PDE11A: variants seen among roughly 807,000 people sequenced by gnomAD.
PDE11A encodes the protein phosphodiesterase 11A.
In PDE11A, 100 loss-of-function variants were observed where a neutral mutation model predicts 100.5. That is an observed-to-expected ratio of 1.00 (90% CI 0.85 to 1.18). PDE11A has a LOEUF of 1.18. PDE11A is among the 50% of genes most tolerant of loss of function. The pLI is 0.00. For missense variants in PDE11A, 1,141 were observed against 1,152.6 expected (o/e 0.99, Z 0.15); for synonymous variants, 381 against 420.8 (o/e 0.91, Z 1.16).
chr2:177,888,825 T>C (rs753357532), intron 4 of PDE11A: 9 of 170,286 alleles, frequency 5.3e-5, no homozygotes, highest in Non-Finnish European at 3.5e-5. Flanking sequence ...TTCTGTAATA[T>C]GACCCAGTGC....
intron 9 of PDE11A, 66 bp downstream of exon 9, chr2:177,816,763 G>C: frequency 1.1e-6 from 1 of 893,384 alleles, no homozygotes; most frequent in Non-Finnish European, 1.9e-6. Flanking sequence ...CCATAACCAG[G>C]GAAATTTTTT....
intron 3 of PDE11A, 47 bp downstream of exon 3, chr2:177,905,051 C>A: frequency 1.0e-6 from 1 of 996,608 alleles, no homozygotes; most frequent in Non-Finnish European, 1.6e-6. Context: ...TTACAGAAAC[C>A]AGAAAGAGAG....
intron 5 of PDE11A, among the ~76,000 whole-genome samples, chr2:177,866,937 T>C (rs1003663868): frequency 6.6e-6 from 1 of 152,228 alleles, no homozygotes; most frequent in Non-Finnish European, 1.5e-5. Context: ...TTTGGGACAC[T>C]GCAAAGTGTA....
chr2:177,777,725 CTA>C (rs907992021), intron 9 of PDE11A, among the ~76,000 whole-genome samples: 1 of 152,272 alleles, frequency 6.6e-6, no homozygotes, highest in African/African-American at 2.4e-5. Flanking sequence ...CTATCATACT[CTA>C]TGAGAAACAG....
At chr2:177,634,554 A>AT (rs1295896874) in intron 19 of PDE11A, among the ~76,000 whole-genome samples, 4 of 151,606 alleles carry the variant, frequency 2.6e-5, no homozygotes, top group Non-Finnish European at 4.4e-5. Flanking sequence ...CGCCTGGCTA[A>AT]TTTTTTTGTA....
intron 2 of PDE11A, among the ~76,000 whole-genome samples, chr2:177,950,612 A>G (rs2085494304): frequency 6.6e-6 from 1 of 152,182 alleles, no homozygotes; most frequent in Non-Finnish European, 1.5e-5. Context: ...TGTGACATCC[A>G]TGTCAATACC....
intron 13 of PDE11A, among the ~76,000 whole-genome samples, chr2:177,706,763 A>G (rs973312184): frequency 6.6e-6 from 1 of 152,194 alleles, no homozygotes; most frequent in Non-Finnish European, 1.5e-5. Flanking sequence ...GAATAGGCAG[A>G]TTTGATCATG....
At chr2:177,998,002 C>T in intron 2 of PDE11A, 1 of 1,222,572 alleles carries the variant, frequency 8.2e-7, no homozygotes, top group Non-Finnish European at 1.2e-6. Context: ...TGTCACAGAC[C>T]TTGTGGAATG....
rs774390793 is a variant in PDE11A, at chr2:177,711,826, A to T, written c.2096T>A (p.Val699Glu). ...GTCGAGGTCATGACACAGGCATCCC[A>T]CAATCACCGCTAAAATTTCCACCTC... Reference protein sequence around the residue: ...LTEVEILAVIVGCLCHDLDHR... With the variant: ...LTEVEILAVIEGCLCHDLDHR... The change falls in exon 13 of 20, where the codon GTG becomes GAG. Residue 699 changes from valine to glutamate, a missense_variant. Val to Glu is a moderately radical substitution (Grantham distance 121). Transcript: ENST00000286063. 9.3e-6 allele frequency: 15 copies of T among 1,613,176 alleles called. No individual in the cohort carries two copies. Among genetic ancestry groups the T allele is most frequent in the Middle Eastern group, 1.6e-4 (1 of 6,082 alleles).
intron 5 of PDE11A, among the ~76,000 whole-genome samples, chr2:177,848,059 T>C (rs1046873988): frequency 1.3e-5 from 2 of 152,226 alleles, no homozygotes; most frequent in African/African-American, 2.4e-5. Context: ...AAAAATGGCA[T>C]AGAATTCTTA....
At chr2:177,669,591 C>T (rs763727269) in intron 17 of PDE11A, 24 bp from the exon 18 acceptor site, 1 of 1,082,200 alleles carries the variant, frequency 9.2e-7, no homozygotes, top group South Asian at 1.2e-5. Context: ...ATATTTTAAT[C>T]TGTGATTATG....
At chr2:177,899,898 AT>A (rs1447824213) in intron 3 of PDE11A, among the ~76,000 whole-genome samples, 1 of 151,524 alleles carries the variant, frequency 6.6e-6, no homozygotes, top group Non-Finnish European at 1.5e-5. Flanking sequence ...AAGAAAACAC[AT>A]TAATTTTTTT....
rs538716952 is a variant in PDE11A, at chr2:177,683,180, T to G, written c.2346-2277A>C. 124 of 152,278 alleles carry G rather than the reference T, an allele frequency of 8.1e-4. 2 individuals are homozygous for G. Among genetic ancestry groups the G allele is most frequent in the African/African-American group, 2.8e-3 (117 of 41,550 alleles). 9.4% of individuals were successfully genotyped at this position (152,278 alleles called of 1,614,324 possible). A position where few individuals can be genotyped will look rare whatever the true frequency, so the allele number is the denominator to read the frequency against. On this transcript the variant is annotated intron_variant, in intron 15 of 19. Transcript: ENST00000286063. Reference sequence around the variant, plus strand: ...GAGACAGGTCAGGAAGACAAATGTATAGTTCACTTCTGTATTAGAGACACA... The same window carrying G: ...GAGACAGGTCAGGAAGACAAATGTAGAGTTCACTTCTGTATTAGAGACACA...
chr2:177,820,088 C>T (rs973994592), intron 7 of PDE11A, 132 bp downstream of exon 7: 9 of 625,384 alleles, frequency 1.4e-5, no homozygotes, highest in East Asian at 2.8e-5. Flanking sequence ...TGAAATTATA[C>T]GAGAGTGTGA....
At chr2:178,039,292 A>C (rs1250983958) in intron 1 of PDE11A, among the ~76,000 whole-genome samples, 2 of 152,160 alleles carry the variant, frequency 1.3e-5, no homozygotes, top group Admixed American at 1.3e-4. Context: ...AAAACCAAAT[A>C]CTGCATGTTC....
chr2:178,103,362 T>C (rs1446755461), intron 2 of PDE11A, among the ~76,000 whole-genome samples: 1 of 152,098 alleles, frequency 6.6e-6, no homozygotes, highest in African/African-American at 2.4e-5. Context: ...GGAATAGGGT[T>C]AAGGGGGAAT....
At chr2:178,090,050 C>A (rs530457764) in intron 2 of PDE11A, among the ~76,000 whole-genome samples, 1 of 152,312 alleles carries the variant, frequency 6.6e-6, no homozygotes, top group South Asian at 2.1e-4. Flanking sequence ...AACTGACCTT[C>A]CAAATGCAAA....
At chr2:178,101,609 C>G (rs962843568) in intron 2 of PDE11A, among the ~76,000 whole-genome samples, 11 of 152,176 alleles carry the variant, frequency 7.2e-5, no homozygotes, top group Non-Finnish European at 1.5e-4. Flanking sequence ...GCAGTTTGGT[C>G]AGCACCCATT....
At chr2:178,096,241 G>A (rs35620189) in intron 2 of PDE11A, among the ~76,000 whole-genome samples, 9,489 of 145,264 alleles carry the variant, frequency 0.065, 399 homozygotes, top group Non-Finnish European at 0.099. Flanking sequence ...TCAGCTCACC[G>A]CAAGCCCCGC....
Sources: gnomAD v4.1 joint callset for allele counts (sites outside exome capture counted in the v4.1 genomes callset) on GRCh38, gnomAD v4.1.1 for gene constraint, MANE v1.5 for transcripts, NCBI Gene and HGNC (gene_info 2026-07-23, HGNC 2026-07-21) for gene names.